Variants in DGKD observed in about 807,000 individuals in gnomAD.
DGKD encodes the protein diacylglycerol kinase delta.
A neutral mutation model predicts 154.4 loss-of-function variants in DGKD; 68 were observed. The observed-to-expected ratio is 0.44, with a 90% CI of 0.36 to 0.54. The LOEUF (loss-of-function observed/expected upper bound fraction) is 0.54, where lower values mean the gene tolerates loss of function less well. Ranked by LOEUF, DGKD falls within the 20% of genes least tolerant of loss-of-function variation. DGKD has a pLI of 0.00. For missense variants in DGKD, 1,343 were observed against 1,593.6 expected (o/e 0.84, Z 2.68); for synonymous variants, 693 against 638.0 (o/e 1.09, Z -1.30).
intron 5 of DGKD, among the ~76,000 whole-genome samples, chr2:233,435,252 G>A (rs1457285884): frequency 6.6e-6 from 1 of 152,004 alleles, no homozygotes; most frequent in Non-Finnish European, 1.5e-5. Flanking sequence ...GACTGAAAGT[G>A]TGTTACAGAC....
intron 1 of DGKD, among the ~76,000 whole-genome samples, chr2:233,362,544 G>T (rs956007249): frequency 6.6e-5 from 10 of 152,240 alleles, no homozygotes; most frequent in Admixed American, 6.5e-4. Context: ...CCAGCTACTC[G>T]GGAGGCTGAG....
intron 3 of DGKD, among the ~76,000 whole-genome samples, chr2:233,434,151 TTGC>T (rs1173142481): frequency 6.6e-6 from 1 of 152,246 alleles, no homozygotes; most frequent in African/African-American, 2.4e-5. Context: ...CTTAAATTGA[TTGC>T]TGATGAATAT....
rs1050438593 is a variant in DGKD, at chr2:233,459,539, C to T, written c.2695-218C>T. Among the ~76,000 whole-genome samples the T allele has an allele frequency of 4.1e-5, 5 of 120,986 alleles. No homozygotes were observed. Among genetic ancestry groups the T allele is most frequent in the Non-Finnish European group, 8.6e-5 (5 of 58,466 alleles). 79.4% of individuals were successfully genotyped at this position (120,986 alleles called of 152,430 possible). ...CTGACTGCTCAGTGAGGGGATGGGG[C>T]GGGATGGGGCGGGACAGTGGGAGAA... On this transcript the variant is annotated intron_variant, in intron 22 of 29. Coordinates refer to ENST00000264057, the MANE Select transcript of DGKD (RefSeq NM_152879.3). The surrounding 1 kb of genome is among the most constrained non-coding windows in gnomAD (Gnocchi z 5.7).
intron 1 of DGKD, among the ~76,000 whole-genome samples, chr2:233,364,368 A>G (rs1701927212): frequency 6.6e-6 from 1 of 152,248 alleles, no homozygotes; most frequent in Non-Finnish European, 1.5e-5. Flanking sequence ...CGTTAGAGTT[A>G]CAGGAAGGAA....
chr2:233,364,091 A>G (rs13015823), intron 1 of DGKD, among the ~76,000 whole-genome samples: 16,884 of 152,264 alleles, frequency 0.11, 1,225 homozygotes, highest in South Asian at 0.33. Context: ...CTTTGCTTCT[A>G]AAAACAAAAA....
chr2:233,392,212 A>G (rs372144880), intron 3 of DGKD: 5 of 152,220 alleles, frequency 3.3e-5, no homozygotes, highest in East Asian at 1.9e-4. Context: ...TTTAGTAGAG[A>G]TGGGGTTTCA....
chr2:233,460,370 C>T (rs760954008), intron 24 of DGKD, 25 bp downstream of exon 24: 140 of 1,611,896 alleles, frequency 8.7e-5, no homozygotes, highest in Middle Eastern at 1.7e-4. Context: ...CTCTGCGTTG[C>T]GCATGAGCCT....
chr2:233,455,455 TC>T (rs1267858988), intron 19 of DGKD, among the ~76,000 whole-genome samples: 4 of 152,212 alleles, frequency 2.6e-5, no homozygotes, highest in Non-Finnish European at 5.9e-5. Context: ...AAGCTTTTCT[TC>T]CTGGGCTGAT....
rs762478279 is a variant in DGKD, at chr2:233,450,073, C to T, written c.1980C>T (p.Cys660=). ...AGGAGAAGATGGACCACAGAGTGTG[C>T]CCACCACTGTCCCACAGCGAGAGCT... ...ESEEKMDHRV[C]PPLSHSESFG... Residue 660 remains cysteine, a synonymous_variant, in exon 16 of 30, where the codon TGC becomes TGT. Transcript: ENST00000264057. The T allele has an allele frequency of 1.2e-5, 20 of 1,613,924 alleles. No homozygotes were observed. The highest frequency in any genetic ancestry group is 1.7e-5 in the Non-Finnish European group (20 of 1,179,924).
intron 3 of DGKD, among the ~76,000 whole-genome samples, chr2:233,432,616 G>A (rs1220671245): frequency 4.6e-5 from 7 of 152,148 alleles, no homozygotes; most frequent in Non-Finnish European, 1.5e-5. Context: ...CGGAGATTGC[G>A]CCACTGCACA....
chr2:233,360,544 T>C (rs181288865), intron 1 of DGKD, among the ~76,000 whole-genome samples: 3 of 152,034 alleles, frequency 2.0e-5, no homozygotes, highest in Admixed American at 2.0e-4. Context: ...AGACATGAGC[T>C]ACTGTGCCTG....
At position 233,409,916 on chromosome 2, in the gene DGKD, G is replaced by A. The variant is rs373131218; in HGVS notation, c.348+19433G>A. Among the ~76,000 whole-genome samples the A allele has an allele frequency of 7.3e-5, 11 of 150,998 alleles. 1 individual carries two copies. In the East Asian group the frequency reaches 1.6e-3, roughly 22 times the overall value. ...GTGTAGAATGTGCCCTGTGGGAGCT[G>A]CCTCCAGGCCTGTGGCTGGGTGTGT... On this transcript the variant is annotated intron_variant, in intron 3 of 29. Coordinates refer to ENST00000264057, the MANE Select transcript of DGKD (RefSeq NM_152879.3).
rs190664986 is a variant in DGKD, at chr2:233,407,240, A to C, written c.348+16757A>C. Among the ~76,000 whole-genome samples the C allele has an allele frequency of 3.9e-5, 6 of 152,362 alleles. 1 individual carries two copies. The highest frequency in any genetic ancestry group is 4.1e-4 in the South Asian group (2 of 4,828). ...TGTAACAGTTATTCTGATTTATAGG[A>C]GTTTCAAAGGATTTCAAACGAGGCC... On this transcript the variant is annotated intron_variant, in intron 3 of 29. Coordinates refer to ENST00000264057, the MANE Select transcript of DGKD (RefSeq NM_152879.3).
intron 27 of DGKD, among the ~76,000 whole-genome samples, chr2:233,466,692 A>G (rs1206355243): frequency 6.6e-6 from 1 of 152,216 alleles, no homozygotes; most frequent in Non-Finnish European, 1.5e-5. Context: ...TTTTCATTAG[A>G]CAGATACTCG....
intron 1 of DGKD, among the ~76,000 whole-genome samples, chr2:233,387,797 C>T (rs977819174): frequency 2.0e-5 from 3 of 152,274 alleles, no homozygotes; most frequent in East Asian, 1.9e-4. Context: ...GCCCCAGAGC[C>T]GCTGACGTAG....
intron 3 of DGKD, among the ~76,000 whole-genome samples, chr2:233,394,266 A>G (rs983521642): frequency 1.3e-5 from 2 of 152,020 alleles, no homozygotes; most frequent in African/African-American, 4.8e-5. Flanking sequence ...TTTCCTAGAC[A>G]AGGTCTTGCT....
intron 3 of DGKD, among the ~76,000 whole-genome samples, chr2:233,421,539 T>A (rs1012057338): frequency 2.5e-4 from 38 of 152,270 alleles, no homozygotes; most frequent in African/African-American, 8.9e-4. Flanking sequence ...CATGGCCCTC[T>A]GTGGTCCTGA....
At chr2:233,430,636 G>T (rs1206569563) in intron 3 of DGKD, among the ~76,000 whole-genome samples, 1 of 152,084 alleles carries the variant, frequency 6.6e-6, no homozygotes, top group East Asian at 1.9e-4. Flanking sequence ...AATCTACCTT[G>T]TTTGTAGATT....
intron 3 of DGKD, among the ~76,000 whole-genome samples, chr2:233,428,196 G>A (rs1380727347): frequency 4.6e-5 from 7 of 152,142 alleles, no homozygotes; most frequent in Non-Finnish European, 7.4e-5. Context: ...GCTGGAGCTC[G>A]CCAGGAGGGG....
Sources: allele counts gnomAD v4.1 joint callset (sites outside exome capture counted in the v4.1 genomes callset), GRCh38; gene constraint gnomAD v4.1.1; non-coding constraint Gnocchi (gnomAD v3.1); transcripts MANE v1.5; gene names NCBI Gene and HGNC (gene_info 2026-07-23, HGNC 2026-07-21).